The following LPAR4 variants were observed in gnomAD, a reference collection of about 807,000 sequenced individuals.
The protein encoded by LPAR4 is lysophosphatidic acid receptor 4.
Under a neutral mutation model 9.2 loss-of-function variants are expected in LPAR4, and 14 were observed. The observed-to-expected ratio is 1.51, with a 90% CI of 1.00 to 2.37. LPAR4 has a LOEUF of 2.37. Among genes scored for constraint, LPAR4 ranks in the 30% most tolerant of loss-of-function variants. The pLI is 0.00. For missense variants in LPAR4, 251 were observed against 272.1 expected (o/e 0.92, Z 0.55); for synonymous variants, 131 against 97.9 (o/e 1.34, Z -1.99).
At chrX:78,749,497 T>C (rs1168452776) in intron 1 of LPAR4, among the ~76,000 whole-genome samples, 1 of 111,223 alleles carries the variant, frequency 9.0e-6, no homozygotes, top group Non-Finnish European at 1.9e-5. Flanking sequence ...AATATGCCGA[T>C]AACCTCATAT....
In LPAR4 at chrX:78,755,917, C is replaced by A; in HGVS notation, c.1048C>A (p.Gln350Lys). 1 of 1,206,350 alleles carries A rather than the reference C, an allele frequency of 8.3e-7. No homozygotes were observed. ...LTTKPSLPAI[Q>K]EEVSDQTTNN... Reference sequence around the variant, plus strand: ...CACAAAGCCTTCCCTTCCAGCTATTCAAGAGGAAGTGAGTGATCAAACAAC... The same window carrying A: ...CACAAAGCCTTCCCTTCCAGCTATTAAAGAGGAAGTGAGTGATCAAACAAC... The change falls in exon 5 of 5, where the codon CAA (glutamine) becomes AAA (lysine). Residue 350 changes from glutamine (Q) to lysine (K), a missense_variant. Physicochemically the swap from Gln to Lys is moderately conservative, Grantham distance 53. Transcript: ENST00000614823.
In LPAR4 at chrX:78,755,069, G is replaced by A. The variant is rs146919548; in HGVS notation, c.200G>A (p.Arg67His). The A allele has an allele frequency of 4.1e-4, 492 of 1,206,793 alleles. No homozygotes were observed. Among genetic ancestry groups the A allele is most frequent in the Non-Finnish European group, 5.3e-4 (471 of 892,592 alleles). ...GTCTCTCTGTTTGTCTTCTGTTTCC[G>A]CATGAAAATGAGAAGTGAGACTGCT... ...NSVSLFVFCF[R>H]MKMRSETAIF... Residue 67 changes from arginine (R) to histidine (H), a missense_variant, in exon 5 of 5, where the codon CGC becomes CAC. Coordinates refer to ENST00000614823, the MANE Select transcript of LPAR4 (RefSeq NM_001278000.3).
rs757446030 is a variant in LPAR4 at position 78,755,309 on chromosome X, G to A, written c.440G>A (p.Arg147His). ...GCCATTGTCTATCCTTTTCGATCTC[G>A]TACTATTAGGACTAGGAGGAATTCT... ...FLAIVYPFRS[R>H]TIRTRRNSAI... Residue 147 changes from arginine (R) to histidine (H), a missense_variant, in exon 5 of 5, where the codon CGT becomes CAT. Physicochemically the swap from Arg to His is conservative, Grantham distance 29. Transcript: ENST00000614823. 1.4e-5 allele frequency: 17 copies of A among 1,206,878 alleles called. No homozygotes were observed. Among genetic ancestry groups the A allele is most frequent in the South Asian group, 3.5e-5 (2 of 56,660 alleles).
At chrX:78,748,683 C>A (rs1478851519) in intron 1 of LPAR4, among the ~76,000 whole-genome samples, 1 of 111,478 alleles carries the variant, frequency 9.0e-6, no homozygotes, top group Admixed American at 9.5e-5. Flanking sequence ...TTTCAGTTAC[C>A]TTTTAAAAGG....
At chrX:78,752,887 G>T (rs1311409899) in intron 4 of LPAR4, among the ~76,000 whole-genome samples, 1 of 111,411 alleles carries the variant, frequency 9.0e-6, no homozygotes, top group African/African-American at 3.3e-5. Context: ...TCTTCCAGGA[G>T]CCTTAAGGAC....
At chrX:78,748,069 G>C (rs1311647113) in intron 1 of LPAR4, 35 bp downstream of exon 1, 1 of 110,471 alleles carries the variant, frequency 9.1e-6, no homozygotes, top group Non-Finnish European at 1.9e-5. Context: ...TGATTTTGGC[G>C]TTTGGGGGTG....
At chrX:78,751,500 TTGA>T (rs1023849483) in intron 4 of LPAR4, among the ~76,000 whole-genome samples, 189 bp downstream of exon 4, 2 of 111,312 alleles carry the variant, frequency 1.8e-5, no homozygotes, top group Admixed American at 9.6e-5. Flanking sequence ...CCAGGCAATT[TTGA>T]TGAAGATGAA....
rs1445079592 is a variant in LPAR4, at chrX:78,758,293, G to A, written c.*2311G>A. Among the ~76,000 whole-genome samples, 4 of 111,415 alleles carry A rather than the reference G, an allele frequency of 3.6e-5. No individual in the cohort carries two copies. Among genetic ancestry groups the A allele is most frequent in the Non-Finnish European group, 7.6e-5 (4 of 52,915 alleles). On this transcript the variant is annotated 3_prime_UTR_variant, in exon 5 of 5. Coordinates refer to ENST00000614823, the MANE Select transcript of LPAR4 (RefSeq NM_001278000.3). Reference sequence around the variant, plus strand: ...GTAAGATCAAATCAGTAATAAAAGCGTGAATAATCTTTTGTTTCTTTCAGT... The same window carrying A: ...GTAAGATCAAATCAGTAATAAAAGCATGAATAATCTTTTGTTTCTTTCAGT...
intron 4 of LPAR4, among the ~76,000 whole-genome samples, chrX:78,751,652 G>T (rs1925069301): frequency 9.0e-6 from 1 of 110,906 alleles, no homozygotes; most frequent in Non-Finnish European, 1.9e-5. Flanking sequence ...TGATTTACCT[G>T]TTCAAATATA....
At chrX:78,752,266 G>A (rs770877231) in intron 4 of LPAR4, among the ~76,000 whole-genome samples, 22 of 111,764 alleles carry the variant, frequency 2.0e-4, no homozygotes, top group African/African-American at 7.1e-4. Context: ...CATATGGAAT[G>A]CCATAAAGCT....
chrX:78,754,282 C>A (rs1240571440), intron 4 of LPAR4, among the ~76,000 whole-genome samples: 2 of 111,608 alleles, frequency 1.8e-5, no homozygotes, highest in Admixed American at 9.5e-5. Flanking sequence ...ACTTGAGACT[C>A]ACAAAATAAT....
Position 78,755,450 on chromosome X carries a change from A to G in LPAR4, c.581A>G (p.Lys194Arg). 3.3e-6 allele frequency: 4 copies of G among 1,209,634 alleles called. No homozygotes were observed. Among genetic ancestry groups the G allele is most frequent in the Non-Finnish European group, 4.5e-6 (4 of 894,010 alleles). The change falls in exon 5 of 5, where the codon AAA becomes AGA. Residue 194 changes from lysine to arginine, a missense_variant. Physicochemically the swap from Lys to Arg is conservative, Grantham distance 26 (BLOSUM62 2). Coordinates refer to ENST00000614823, the MANE Select transcript of LPAR4 (RefSeq NM_001278000.3). ...ATTTCFEGFSKRVWKTYLSKI... is the reference protein window; with the variant it reads ...ATTTCFEGFSRRVWKTYLSKI... ...ACCACCTGCTTTGAAGGCTTCTCCA[A>G]ACGTGTCTGGAAGACTTATTTATCC...
chrX:78,755,731 T>C lies in LPAR4; in HGVS notation c.862T>C (p.Phe288Leu). The change falls in exon 5 of 5, where the codon TTT becomes CTT. Residue 288 changes from phenylalanine (F) to leucine (L), a missense_variant. Phe to Leu is a conservative substitution (Grantham distance 22). Transcript: ENST00000614823. ...TATTACTAATTGCTTTTTGGAAAGA[T>C]TTGCAAAGATCATGTACCCAATCAC... is the stretch of plus-strand genomic sequence containing the variant. The part of the protein sequence containing the change: ...QAITNCFLER[F>L]AKIMYPITLC... 3 of 1,211,044 alleles carry C rather than the reference T, an allele frequency of 2.5e-6. No individual in the cohort carries two copies. The highest frequency in any genetic ancestry group is 2.2e-6 in the Non-Finnish European group (2 of 895,096).
chrX:78,749,880 G>A (rs1377389218), intron 1 of LPAR4, among the ~76,000 whole-genome samples: 1 of 111,268 alleles, frequency 9.0e-6, no homozygotes, highest in Admixed American at 9.6e-5. Context: ...ACTCATTGAA[G>A]GTTGCTTTTC....
chrX:78,757,489 A>C lies in LPAR4; in HGVS notation c.*1507A>C, dbSNP rs1238889937. 5.3e-5 allele frequency among the ~76,000 whole-genome samples: 6 copies of C among 112,310 alleles called. No individual in the cohort carries two copies. The highest frequency in any genetic ancestry group is 1.1e-4 in the Non-Finnish European group (6 of 53,144). ...ACCCAGTTTAAAAGGAATTAAAAAC[A>C]GTATTTTAAAATCTACAAAAAAAGA... On this transcript the variant is annotated 3_prime_UTR_variant, in exon 5 of 5. Transcript: ENST00000614823.
rs1262817243 is a variant in LPAR4, at chrX:78,757,099, T to C, written c.*1117T>C. 2 of 117,734 alleles carry C rather than the reference T, an allele frequency of 1.7e-5. No homozygotes were observed. The highest frequency in any genetic ancestry group is 3.9e-5 in the Non-Finnish European group (2 of 51,701). The allele number at this position is 117,734 out of a possible 1,213,427, so 9.7% of individuals were successfully genotyped here. Reference sequence around the variant, plus strand: ...GCAAATAAAAAAAAAAAACAACACATAAACTAAACCAAACCAAAACAAAAA... The same window carrying C: ...GCAAATAAAAAAAAAAAACAACACACAAACTAAACCAAACCAAAACAAAAA... On this transcript the variant is annotated 3_prime_UTR_variant, in exon 5 of 5. Transcript: ENST00000614823.
rs1313622249 is a variant in LPAR4 at position 78,755,934 on chromosome X, TCAAA to T, written c.1069_1072del (p.Thr357GlnfsTer7). The T allele has an allele frequency of 8.3e-7, 1 of 1,206,677 alleles. No individual in the cohort carries two copies. Among genetic ancestry groups the T allele is most frequent in the African/African-American group, 1.8e-5 (1 of 57,103 alleles). On this transcript the variant is annotated frameshift_variant, in exon 5 of 5. Coordinates refer to ENST00000614823, the MANE Select transcript of LPAR4 (RefSeq NM_001278000.3). LOFTEE classifies it high-confidence loss of function. Reference sequence around the variant, plus strand: ...CAGCTATTCAAGAGGAAGTGAGTGATCAAACAACAAATAATGGTGGTGAATTAAT... The same window carrying T: ...CAGCTATTCAAGAGGAAGTGAGTGATCAACAAATAATGGTGGTGAATTAAT...
At position 78,756,004 on chromosome X, in the gene LPAR4, C is replaced by T. The variant is rs771874903; in HGVS notation, c.*22C>T. 4.3e-6 allele frequency: 5 copies of T among 1,152,772 alleles called. No homozygotes were observed. Among genetic ancestry groups the T allele is most frequent in the Non-Finnish European group, 5.8e-6 (5 of 856,950 alleles). ...TTAGGTATGAGAAATGTGTTCAGGT[C>T]CAGATATGGTTTCTCCTATAATTTT... On this transcript the variant is annotated 3_prime_UTR_variant, in exon 5 of 5. Transcript: ENST00000614823.
chrX:78,751,574 T>G, intron 4 of LPAR4, among the ~76,000 whole-genome samples: 1 of 111,297 alleles, frequency 9.0e-6, no homozygotes, highest in South Asian at 3.7e-4. Flanking sequence ...TATGGGAGAC[T>G]CTTTTTATTG....
Sources: gnomAD v4.1 joint callset for allele counts (sites outside exome capture counted in the v4.1 genomes callset) on GRCh38, gnomAD v4.1.1 for gene constraint, MANE v1.5 for transcripts, NCBI Gene and HGNC (gene_info 2026-07-23, HGNC 2026-07-21) for gene names.